NOL10: variants seen among roughly 807,000 people sequenced by gnomAD.
The protein encoded by NOL10 is H_NH0074G24.1.
A neutral mutation model predicts 103.5 loss-of-function variants in NOL10; 58 were observed. That is an observed-to-expected ratio of 0.56 (90% CI 0.45 to 0.70). The LOEUF (loss-of-function observed/expected upper bound fraction) is 0.70. NOL10 is among the 30% of genes least tolerant of loss of function. The pLI is 0.00. For synonymous variants in NOL10, 287 were observed against 282.5 expected (o/e 1.02, Z -0.16); for missense variants, 763 against 807.3 (o/e 0.95, Z 0.67).
In NOL10 at chr2:10,671,793, C is replaced by A. The variant is rs3821195; in HGVS notation, c.328-103G>T. 4 of 774,682 alleles carry A rather than the reference C, an allele frequency of 5.2e-6. No individual in the cohort carries two copies. In the Admixed American group the frequency reaches 1.1e-4, roughly 21 times the overall value. 48.0% of individuals were successfully genotyped at this position (774,682 alleles called of 1,614,324 possible). A position where few individuals can be genotyped will look rare whatever the true frequency, so the allele number is the denominator to read the frequency against. On this transcript the variant is annotated intron_variant, in intron 5 of 20. Coordinates refer to ENST00000381685, the MANE Select transcript of NOL10 (RefSeq NM_024894.4). The stretch of plus-strand genomic sequence containing the variant: ...AACCAAGGAAAACCCTTACCTCTCT[C>A]TCACTTTCTGTATCTAAACACACAT...
At position 10,668,721 on chromosome 2, in the gene NOL10, G is replaced by C. The variant is rs748214909; in HGVS notation, c.467C>G (p.Ser156Cys). The C allele has an allele frequency of 2.7e-6, 4 of 1,458,446 alleles. No homozygotes were observed. Among genetic ancestry groups the C allele is most frequent in the Admixed American group, 3.9e-5 (2 of 50,978 alleles). The allele number at this position is 1,458,446 out of a possible 1,614,324, so 90.3% of individuals were successfully genotyped here. Residue 156 changes from serine (S) to cysteine (C), a missense_variant and splice_region_variant, in exon 7 of 21, where the codon TCT (serine) becomes TGT (cysteine). Physicochemically the swap from Ser to Cys is moderately radical, Grantham distance 112. Coordinates refer to ENST00000381685, the MANE Select transcript of NOL10 (RefSeq NM_024894.4). Reference sequence around the variant, plus strand: ...TTCTAAGTTTAACCTATAAACTTCAGAACTGTAAAGTAATAAAGAAAGTTA... The same window carrying C: ...TTCTAAGTTTAACCTATAAACTTCACAACTGTAAAGTAATAAAGAAAGTTA... Reference protein sequence around the residue: ...SCDLYFVGASSEVYRLNLEQG... With the variant: ...SCDLYFVGASCEVYRLNLEQG...
At chr2:10,645,952 C>T (rs1296989375) in intron 12 of NOL10, among the ~76,000 whole-genome samples, 1 of 151,432 alleles carries the variant, frequency 6.6e-6, no homozygotes, top group African/African-American at 2.4e-5. Flanking sequence ...CATACACACA[C>T]ACACACACAC....
intron 17 of NOL10, among the ~76,000 whole-genome samples, chr2:10,590,040 TAGAA>T (rs941705247): frequency 2.0e-5 from 3 of 150,230 alleles, no homozygotes; most frequent in Non-Finnish European, 4.4e-5. Flanking sequence ...CTTAACAGAT[TAGAA>T]AGAATTTCTT....
chr2:10,627,710 A>AAAC (rs1349874403), intron 13 of NOL10, among the ~76,000 whole-genome samples: 12 of 150,692 alleles, frequency 8.0e-5, no homozygotes, highest in African/African-American at 2.4e-4. Flanking sequence ...AAAAAAAAAC[A>AAAC]AACAACAACA....
intron 13 of NOL10, among the ~76,000 whole-genome samples, chr2:10,627,965 T>C (rs4669601): frequency 0.22 from 32,701 of 152,036 alleles, 4,594 homozygotes; most frequent in East Asian, 0.44. Context: ...GAACTCAATT[T>C]AAAGTAAATC....
At chr2:10,646,980 GAATT>G (rs1198566695) in intron 12 of NOL10, among the ~76,000 whole-genome samples, 1 of 152,194 alleles carries the variant, frequency 6.6e-6, no homozygotes, top group African/African-American at 2.4e-5. Context: ...TATGAACACA[GAATT>G]AATATGGTTT....
intron 8 of NOL10, among the ~76,000 whole-genome samples, chr2:10,666,268 T>TAAA (rs918738880): frequency 2.7e-5 from 4 of 148,330 alleles, no homozygotes; most frequent in African/African-American, 9.9e-5. Flanking sequence ...ATAATTTGAG[T>TAAA]AAAAAAAAAA....
chr2:10,668,858 A>G lies in NOL10; in HGVS notation c.465-135T>C, dbSNP rs955152066. On this transcript the variant is annotated intron_variant, in intron 6 of 20. Coordinates refer to ENST00000381685, the MANE Select transcript of NOL10 (RefSeq NM_024894.4). Reference sequence around the variant, plus strand: ...AACACTGATACAAAAACGTATTCTAAATCTGAAAAATATCCACTTTATGAA... The same window carrying G: ...AACACTGATACAAAAACGTATTCTAGATCTGAAAAATATCCACTTTATGAA... The G allele has an allele frequency of 3.2e-5, 11 of 340,524 alleles. No individual in the cohort carries two copies. In the East Asian group the frequency reaches 5.4e-4, roughly 17 times the overall value. 21.1% of individuals were successfully genotyped at this position (340,524 alleles called of 1,614,324 possible).
intron 17 of NOL10, among the ~76,000 whole-genome samples, chr2:10,594,921 C>T (rs1675589356): frequency 6.6e-6 from 1 of 151,990 alleles, no homozygotes; most frequent in Admixed American, 6.6e-5. Flanking sequence ...CACTTAAGCC[C>T]GAGAGACTGA....
At chr2:10,600,798 G>A in intron 17 of NOL10, 55 bp downstream of exon 17, 2 of 1,122,760 alleles carry the variant, frequency 1.8e-6, no homozygotes, top group Non-Finnish European at 2.6e-6. Context: ...TAAAAAAGAT[G>A]TAAGTTACTA....
At chr2:10,669,446 T>G (rs1680768190) in intron 6 of NOL10, among the ~76,000 whole-genome samples, 1 of 144,146 alleles carries the variant, frequency 6.9e-6, no homozygotes, top group South Asian at 2.1e-4. Context: ...TATTTGTATA[T>G]ATATATATAT....
chr2:10,642,707 C>T (rs1464563426), intron 13 of NOL10, among the ~76,000 whole-genome samples: 4 of 152,146 alleles, frequency 2.6e-5, no homozygotes, highest in African/African-American at 9.7e-5. Context: ...CACTGGGCAC[C>T]TCACTCCACC....
chr2:10,641,478 T>C lies in NOL10; in HGVS notation c.1026+2842A>G, dbSNP rs562753079. On this transcript the variant is annotated intron_variant, in intron 13 of 20. Transcript: ENST00000381685. Reference sequence around the variant, plus strand: ...AGGGAATAGCTGGTTTTTATTTTCATGTACTTTGTAACCCACTTAGAATAA... The same window carrying C: ...AGGGAATAGCTGGTTTTTATTTTCACGTACTTTGTAACCCACTTAGAATAA... 2.6e-4 allele frequency among the ~76,000 whole-genome samples: 39 copies of C among 152,378 alleles called. 1 individual carries two copies. Among genetic ancestry groups the C allele is most frequent in the Non-Finnish European group, 4.3e-4 (29 of 68,042 alleles).
chr2:10,622,267 C>T (rs1190665552), intron 13 of NOL10: 1 of 442,348 alleles, frequency 2.3e-6, no homozygotes, highest in African/African-American at 2.1e-5. Context: ...TACGTGCTGA[C>T]CAAAATGATA....
At chr2:10,631,762 T>G (rs1279819632) in intron 13 of NOL10, among the ~76,000 whole-genome samples, 1 of 151,846 alleles carries the variant, frequency 6.6e-6, no homozygotes, top group Non-Finnish European at 1.5e-5. Context: ...TTGCCCAGGC[T>G]GGAGTGCAAT....
chr2:10,623,784 T>C (rs768192982), intron 13 of NOL10, among the ~76,000 whole-genome samples: 1 of 152,214 alleles, frequency 6.6e-6, no homozygotes, highest in Non-Finnish European at 1.5e-5. Flanking sequence ...TGGTGTGTCA[T>C]TTTCATGACT....
chr2:10,685,858 G>A (rs11902307), intron 1 of NOL10, among the ~76,000 whole-genome samples: 4,889 of 122,082 alleles, frequency 0.04, 271 homozygotes, highest in African/African-American at 0.12. Context: ...GAGCCCAGGA[G>A]TTCGAGACCA....
intron 14 of NOL10, among the ~76,000 whole-genome samples, chr2:10,604,020 C>T (rs112185539): frequency 0.021 from 3,205 of 152,272 alleles, 50 homozygotes; most frequent in Non-Finnish European, 0.032. Context: ...AGTTTCAGGA[C>T]GAAACTATTC....
chr2:10,641,174 C>CAAA (rs35267200), intron 13 of NOL10, among the ~76,000 whole-genome samples: 1 of 99,462 alleles, frequency 1.0e-5, no homozygotes, highest in African/African-American at 3.7e-5. Flanking sequence ...TACAAAAATA[C>CAAA]AAAAAAAAAA....
Sources: gnomAD v4.1 joint callset for allele counts (sites outside exome capture counted in the v4.1 genomes callset) on GRCh38, gnomAD v4.1.1 for gene constraint, MANE v1.5 for transcripts, NCBI Gene and HGNC (gene_info 2026-07-23, HGNC 2026-07-21) for gene names.